The following PDE4D variants were observed in gnomAD, a reference collection of about 807,000 sequenced individuals.
PDE4D encodes phosphodiesterase 4D, also known as 3',5'-cyclic-AMP phosphodiesterase 4D.
A neutral mutation model predicts 87.4 loss-of-function variants in PDE4D; 24 were observed. The observed-to-expected ratio is 0.27, with a 90% CI of 0.20 to 0.39. PDE4D has a LOEUF of 0.39. Ranked by LOEUF, PDE4D falls within the 10% of genes least tolerant of loss-of-function variation. PDE4D has a pLI of 1.00. For synonymous variants in PDE4D, 384 were observed against 383.2 expected, an observed-to-expected ratio of 1.00 and a Z score of -0.02; for missense variants, 714 against 1,041.0, an observed-to-expected ratio of 0.69 and a Z score of 4.32.
chr5:60,262,858 G>C (rs368228579), intron 1 of PDE4D, among the ~76,000 whole-genome samples: 1 of 152,110 alleles, frequency 6.6e-6, no homozygotes, highest in Admixed American at 6.5e-5. Flanking sequence ...AGAGAGTGGA[G>C]AAAAATGCAG....
chr5:59,629,115 G>A (rs376114419), intron 1 of PDE4D, among the ~76,000 whole-genome samples: 11 of 152,206 alleles, frequency 7.2e-5, no homozygotes, highest in South Asian at 2.1e-4. Flanking sequence ...CTACACGTGC[G>A]GATTATGGGA....
intron 1 of PDE4D, among the ~76,000 whole-genome samples, chr5:59,541,781 C>A (rs1816395408): frequency 6.6e-6 from 1 of 152,240 alleles, no homozygotes; most frequent in Non-Finnish European, 1.5e-5. Context: ...GCTGAATCTA[C>A]TCACTTCAGG....
intron 1 of PDE4D, among the ~76,000 whole-genome samples, chr5:59,882,274 T>C (rs749869220): frequency 6.6e-6 from 1 of 152,242 alleles, no homozygotes; most frequent in African/African-American, 2.4e-5. Context: ...TTCTGGACAG[T>C]AGAGACCCCT....
chr5:60,322,898 TA>T (rs1756445667), intron 1 of PDE4D, among the ~76,000 whole-genome samples: 1 of 152,258 alleles, frequency 6.6e-6, no homozygotes, highest in Non-Finnish European at 1.5e-5. Flanking sequence ...TCCATGTCAA[TA>T]ACTCCAAAGA....
At chr5:59,240,783 C>CACAT (rs1757490483) in intron 1 of PDE4D, among the ~76,000 whole-genome samples, 1 of 60,868 alleles carries the variant, frequency 1.6e-5, no homozygotes, top group African/African-American at 7.4e-5. Context: ...TTCACAAACA[C>CACAT]ACACACACAC....
At chr5:60,206,844 T>C (rs1356686006) in intron 1 of PDE4D, among the ~76,000 whole-genome samples, 2 of 152,170 alleles carry the variant, frequency 1.3e-5, no homozygotes, top group African/African-American at 4.8e-5. Context: ...AAGACATAAA[T>C]CTCTTTAAGC....
At chr5:59,954,395 G>A (rs1758614325) in intron 3 of PDE4D, among the ~76,000 whole-genome samples, 1 of 152,138 alleles carries the variant, frequency 6.6e-6, no homozygotes, top group African/African-American at 2.4e-5. Flanking sequence ...TAGCATAGAA[G>A]CCAATCTTCT....
rs10586960 is a variant in PDE4D, at chr5:59,536,504, CAAAAAAAAAAAAAA to C, written c.456-320550_456-320537del. 2.1e-4 allele frequency among the ~76,000 whole-genome samples: 12 copies of C among 56,372 alleles called. No individual in the cohort carries two copies. In the South Asian group the frequency reaches 4.9e-3, roughly 23 times the overall value. The allele number at this position is 56,372 out of a possible 152,430, so 37.0% of individuals were successfully genotyped here. On this transcript the variant is annotated intron_variant, in intron 1 of 14. Transcript: ENST00000340635. ...TGGGCAACAGAGCAAGACTCAGCCT[CAAAAAAAAAAAAAA>C]AAAAAAAAAAAAAAAAAATTACCTT... is the stretch of plus-strand genomic sequence containing the variant.
chr5:60,197,178 A>G (rs1039432299), intron 1 of PDE4D, among the ~76,000 whole-genome samples: 2 of 151,492 alleles, frequency 1.3e-5, no homozygotes, highest in Non-Finnish European at 3.0e-5. Flanking sequence ...AGTGAGGAAT[A>G]GTGAGAAATT....
chr5:59,308,912 T>C (rs1771987040), intron 1 of PDE4D, among the ~76,000 whole-genome samples: 1 of 151,624 alleles, frequency 6.6e-6, no homozygotes, highest in African/African-American at 2.4e-5. Flanking sequence ...CTTGGGTGAG[T>C]CTTGCTAGGG....
intron 1 of PDE4D, among the ~76,000 whole-genome samples, chr5:59,771,536 A>G (rs1005886750): frequency 6.7e-6 from 1 of 148,462 alleles, no homozygotes; most frequent in African/African-American, 2.6e-5. Context: ...GAAAGAAAGA[A>G]AGAAAGAAAG....
chr5:59,700,161 C>A (rs922143631), intron 1 of PDE4D, among the ~76,000 whole-genome samples: 14 of 152,184 alleles, frequency 9.2e-5, no homozygotes, highest in Non-Finnish European at 1.5e-4. Context: ...AAGAACAAAA[C>A]ATTCAGAACT....
intron 1 of PDE4D, among the ~76,000 whole-genome samples, chr5:60,297,187 A>G (rs1259861188): frequency 6.6e-6 from 1 of 152,220 alleles, no homozygotes; most frequent in African/African-American, 2.4e-5. Context: ...GGTATTAATA[A>G]GATTCAAAAT....
chr5:59,948,688 T>G (rs905764347), intron 3 of PDE4D, among the ~76,000 whole-genome samples: 10 of 152,248 alleles, frequency 6.6e-5, no homozygotes, highest in Non-Finnish European at 1.5e-4. Context: ...CTCACAATGC[T>G]TTTAACCTTT....
intron 2 of PDE4D, among the ~76,000 whole-genome samples, chr5:60,109,664 T>C (rs1777459439): frequency 6.6e-6 from 1 of 152,178 alleles, no homozygotes; most frequent in Non-Finnish European, 1.5e-5. Context: ...ATATACACCA[T>C]GGAATAATAA....
At chr5:59,824,344 C>T (rs552397521) in intron 1 of PDE4D, among the ~76,000 whole-genome samples, 5 of 152,280 alleles carry the variant, frequency 3.3e-5, no homozygotes, top group African/African-American at 7.2e-5. Context: ...TGCTCCATCA[C>T]GACACATGCT....
At chr5:60,447,424 T>A (rs1016047895) in intron 1 of PDE4D, among the ~76,000 whole-genome samples, 1 of 152,160 alleles carries the variant, frequency 6.6e-6, no homozygotes, top group African/African-American at 2.4e-5. Context: ...TTTATCTTTG[T>A]GATTGCTAAT....
chr5:59,906,702 C>G (rs531864348), intron 3 of PDE4D, among the ~76,000 whole-genome samples: 2 of 152,006 alleles, frequency 1.3e-5, no homozygotes, highest in South Asian at 4.2e-4. Context: ...TAGAGAAATG[C>G]AAATCAAAAT....
upstream of PDE4D, among the ~76,000 whole-genome samples, chr5:59,896,186 C>A (rs1034178027): frequency 2.6e-5 from 4 of 152,166 alleles, no homozygotes; most frequent in African/African-American, 9.7e-5. Context: ...ATATTACCTA[C>A]TTCACAGAAT....
Sources: allele counts gnomAD v4.1 joint callset (sites outside exome capture counted in the v4.1 genomes callset), GRCh38; gene constraint gnomAD v4.1.1; transcripts MANE v1.5; gene names NCBI Gene and HGNC (gene_info 2026-07-23, HGNC 2026-07-21).